The following PCLO variants were observed in gnomAD, a reference collection of about 807,000 sequenced individuals.
PCLO encodes the protein protein piccolo.
PCLO carries 82 observed loss-of-function variants against 427.5 expected under a neutral mutation model. That is an observed-to-expected ratio of 0.19 (90% CI 0.16 to 0.23). PCLO has a LOEUF of 0.23. PCLO is among the 10% of genes least tolerant of loss of function. The pLI is 1.00. For synonymous variants in PCLO, 2,357 were observed against 2,155.4 expected (o/e 1.09, Z -2.59); for missense variants, 6,239 against 6,115.9 (o/e 1.02, Z -0.67).
At position 82,955,553 on chromosome 7, in the gene PCLO, T is replaced by C. The variant is rs761455091; in HGVS notation, c.5400A>G (p.Arg1800=). The change falls in exon 5 of 25, where the codon AGA becomes AGG. Residue 1800 remains arginine, a synonymous_variant. Transcript: ENST00000333891. The part of the protein sequence containing the change: ...EKQREIEQQQ[R]KSSSKKSKKD... The stretch of plus-strand genomic sequence containing the variant: ...TCTTTGATTTTTTACTAGAACTCTT[T>C]CTTTGTTGCTGTTCTATTTCCCTCT... The C allele has an allele frequency of 5.6e-6, 9 of 1,613,968 alleles. No homozygotes were observed. The South Asian group carries it at 9.9e-5, about 18-fold the overall frequency.
chr7:82,802,892 A>G (rs1215745972), intron 21 of PCLO, among the ~76,000 whole-genome samples: 1 of 152,140 alleles, frequency 6.6e-6, no homozygotes, highest in Non-Finnish European at 1.5e-5. Context: ...TTCAGAAATT[A>G]TTTTATCTCA....
intron 6 of PCLO, among the ~76,000 whole-genome samples, chr7:82,920,145 C>T (rs1794562717): frequency 6.6e-6 from 1 of 151,778 alleles, no homozygotes; most frequent in Admixed American, 6.6e-5. Flanking sequence ...AACCTCTCAA[C>T]TAGTTATTTA....
chr7:83,017,650 G>A (rs1287465114), intron 3 of PCLO, among the ~76,000 whole-genome samples: 6 of 151,760 alleles, frequency 4.0e-5, no homozygotes, highest in Non-Finnish European at 7.4e-5. Context: ...TACATATACA[G>A]CTACAAAATC....
chr7:82,926,662 G>A (rs1218496230), intron 6 of PCLO, among the ~76,000 whole-genome samples: 2 of 152,054 alleles, frequency 1.3e-5, no homozygotes, highest in Non-Finnish European at 2.9e-5. Context: ...CATTGCTCTT[G>A]GGCTGAGCAG....
chr7:82,842,610 T>C (rs538840777), intron 13 of PCLO, among the ~76,000 whole-genome samples: 1 of 151,936 alleles, frequency 6.6e-6, no homozygotes, highest in South Asian at 2.1e-4. Context: ...ATCAACAGAG[T>C]GAAGAGACAA....
chr7:82,900,743 T>C (rs2116182225), intron 9 of PCLO, among the ~76,000 whole-genome samples: 1 of 151,894 alleles, frequency 6.6e-6, no homozygotes, highest in South Asian at 2.1e-4. Flanking sequence ...GCTCAACATT[T>C]GTATAAGGCT....
chr7:83,007,609 G>A (rs74318475), intron 3 of PCLO, among the ~76,000 whole-genome samples: 6,632 of 151,480 alleles, frequency 0.044, 224 homozygotes, highest in South Asian at 0.086. Context: ...ATTAACTAGT[G>A]GAAAAATAGG....
At chr7:82,975,860 C>T (rs550663387) in intron 3 of PCLO, among the ~76,000 whole-genome samples, 1 of 152,148 alleles carries the variant, frequency 6.6e-6, no homozygotes, top group Non-Finnish European at 1.5e-5. Context: ...CCTGCACTTT[C>T]TCTCTCCTAC....
chr7:83,042,277 G>A (rs1477204223), intron 3 of PCLO, among the ~76,000 whole-genome samples: 1 of 152,040 alleles, frequency 6.6e-6, no homozygotes, highest in African/African-American at 2.4e-5. Context: ...AATCGCATTT[G>A]TATCTCTGCA....
At chr7:82,861,675 A>G (rs1792960115) in intron 10 of PCLO, among the ~76,000 whole-genome samples, 1 of 152,072 alleles carries the variant, frequency 6.6e-6, no homozygotes. Context: ...GCTGCGGAAT[A>G]CACATTCTTT....
At chr7:82,876,234 A>T (rs2116023039) in intron 10 of PCLO, among the ~76,000 whole-genome samples, 1 of 152,180 alleles carries the variant, frequency 6.6e-6, no homozygotes, top group East Asian at 1.9e-4. Context: ...TGCCTTCAAC[A>T]AATACATTTA....
intron 2 of PCLO, among the ~76,000 whole-genome samples, chr7:83,146,542 T>C (rs1327045266): frequency 6.6e-6 from 1 of 151,896 alleles, no homozygotes; most frequent in Non-Finnish European, 1.5e-5. Flanking sequence ...TCAAGGAATA[T>C]AAACAATGAG....
intron 20 of PCLO, among the ~76,000 whole-genome samples, chr7:82,819,136 T>C (rs1323668946): frequency 6.6e-6 from 1 of 152,176 alleles, no homozygotes; most frequent in African/African-American, 2.4e-5. Flanking sequence ...GTTACACTTA[T>C]AATAGCAGAA....
At position 82,952,295 on chromosome 7, in the gene PCLO, G is replaced by A. The variant is rs370187229; in HGVS notation, c.8658C>T (p.Ser2886=). 11 of 1,613,840 alleles carry A rather than the reference G, an allele frequency of 6.8e-6. No individual in the cohort carries two copies. The African/African-American group carries it at 1.2e-4, about 18-fold the overall frequency. The part of the protein sequence containing the change: ...PVGVTNGWTD[S]TVSQGITDGE... Reference sequence around the variant, plus strand: ...CATCAGTGATTCCCTGGGATACGGTGCTATCAGTCCATCCATTTGTGACAC... The same window carrying A: ...CATCAGTGATTCCCTGGGATACGGTACTATCAGTCCATCCATTTGTGACAC... Residue 2886 remains serine, a synonymous_variant, in exon 5 of 25, where the codon AGC becomes AGT. Transcript: ENST00000333891.
At chr7:83,154,252 A>AT (rs1792209091) in intron 2 of PCLO, among the ~76,000 whole-genome samples, 1 of 152,230 alleles carries the variant, frequency 6.6e-6, no homozygotes, top group Non-Finnish European at 1.5e-5. Flanking sequence ...ACATGCCCTC[A>AT]TTTGATATAT....
At chr7:82,849,624 G>A (rs528195779) in intron 10 of PCLO, among the ~76,000 whole-genome samples, 1 of 152,230 alleles carries the variant, frequency 6.6e-6, no homozygotes, top group African/African-American at 2.4e-5. Flanking sequence ...TATCTCAAAA[G>A]AGGTTCTAGT....
At chr7:82,824,185 G>C in intron 19 of PCLO, 51 bp downstream of exon 19, 5 of 1,267,684 alleles carry the variant, frequency 3.9e-6, no homozygotes, top group Non-Finnish European at 5.5e-6. Flanking sequence ...AGAAGATACA[G>C]ACTGAACAAA....
At chr7:83,027,634 C>T (rs1267179242) in intron 3 of PCLO, among the ~76,000 whole-genome samples, 1 of 145,006 alleles carries the variant, frequency 6.9e-6, no homozygotes, top group South Asian at 2.3e-4. Context: ...GATACCAAAG[C>T]CTGGCAGAGA....
At chr7:82,784,322 C>A (rs1442277909) in intron 22 of PCLO, among the ~76,000 whole-genome samples, 1 of 152,178 alleles carries the variant, frequency 6.6e-6, no homozygotes, top group African/African-American at 2.4e-5. Flanking sequence ...AGGTGCTGGG[C>A]ACACTTCTGC....
Sources: allele counts gnomAD v4.1 joint callset (sites outside exome capture counted in the v4.1 genomes callset), GRCh38; gene constraint gnomAD v4.1.1; transcripts MANE v1.5; gene names NCBI Gene and HGNC (gene_info 2026-07-23, HGNC 2026-07-21).